The following ADCY7 variants were observed in gnomAD, a reference collection of about 807,000 sequenced individuals.
The protein encoded by ADCY7 is adenylate cyclase type 7.
In ADCY7, 72 loss-of-function variants were observed where a neutral mutation model predicts 120.6. The observed-to-expected ratio is 0.60, with a 90% CI of 0.49 to 0.73. The LOEUF (loss-of-function observed/expected upper bound fraction) is 0.73, where lower values mean the gene tolerates loss of function less well. Ranked by LOEUF, ADCY7 falls within the 30% of genes least tolerant of loss-of-function variation. ADCY7 has a pLI of 0.00. For missense variants in ADCY7, 1,227 were observed against 1,486.0 expected (o/e 0.83, Z 2.87); for synonymous variants, 661 against 628.0 (o/e 1.05, Z -0.78).
intron 10 of ADCY7, chr16:50,301,759 C>A: frequency 6.3e-6 from 1 of 157,514 alleles, no homozygotes; most frequent in Admixed American, 6.0e-5. Context: ...GCTGCCCGAC[C>A]CTGGCCTGCT....
At chr16:50,279,789 T>C (rs541117441) in intron 1 of ADCY7, 1 of 152,346 alleles carries the variant, frequency 6.6e-6, no homozygotes, top group East Asian at 1.9e-4. Flanking sequence ...TTCATTATCA[T>C]TGGCAGCTGG....
At chr16:50,281,043 G>A (rs1293619673) in intron 1 of ADCY7, among the ~76,000 whole-genome samples, 3 of 152,102 alleles carry the variant, frequency 2.0e-5, no homozygotes, top group African/African-American at 4.8e-5. Context: ...GCCCCTGCTC[G>A]GCAACTTTGC....
rs373247818 is a variant in ADCY7, at chr16:50,268,991, T to C, written c.-269+2311T>C. ...GTTGGAGGCTGTAGTGAGCCATGAC[T>C]GTGCCACTGCACTCCATCCAGCCTG... On this transcript the variant is annotated intron_variant, in intron 1 of 25. Transcript: ENST00000673801. Among the ~76,000 whole-genome samples the C allele has an allele frequency of 5.8e-4, 88 of 152,364 alleles. 1 individual carries two copies. In the South Asian group the frequency reaches 0.018, roughly 31 times the overall value.
rs78028048 is a variant in ADCY7, at chr16:50,290,261, G to A, written c.172-196G>A. ...GATGCTCTGGTTCCCGAGATGATGG[G>A]AAGGGGGTGGTTGAGGCAGCCTTGG... On this transcript the variant is annotated intron_variant, in intron 2 of 25. Coordinates refer to ENST00000673801, the MANE Select transcript of ADCY7 (RefSeq NM_001114.5). Among the ~76,000 whole-genome samples, 369 of 152,342 alleles carry A rather than the reference G, an allele frequency of 2.4e-3. 3 individuals are homozygous for A. The highest frequency in any genetic ancestry group is 8.5e-3 in the African/African-American group (353 of 41,578).
intron 21 of ADCY7, 71 bp downstream of exon 21, chr16:50,312,262 G>A (rs1347704012): frequency 2.6e-6 from 4 of 1,562,910 alleles, no homozygotes; most frequent in Non-Finnish European, 3.5e-6. Flanking sequence ...GGGTGAAGGT[G>A]TGGAGCTGGA....
Position 50,308,805 on chromosome 16 carries a change from G to T in ADCY7, c.2061+13G>T, listed in dbSNP as rs1171428955. The T allele has an allele frequency of 1.2e-6, 2 of 1,600,186 alleles. No homozygotes were observed. The highest frequency in any genetic ancestry group is 1.7e-6 in the Non-Finnish European group (2 of 1,174,020). ...CATCATCAACCTGGTGGGTCCCGTG[G>T]TGGGGAGGCAGGCCTCCGGGGTAGA... On this transcript the variant is annotated intron_variant, in intron 17 of 25. Transcript: ENST00000673801.
chr16:50,303,889 A>T (rs1425401333), intron 10 of ADCY7, among the ~76,000 whole-genome samples: 1 of 152,014 alleles, frequency 6.6e-6, no homozygotes, highest in East Asian at 1.9e-4. Context: ...CGTGCCGGCC[A>T]CACGTGGGAG....
chr16:50,311,799 GCCCCCC>G lies in ADCY7; in HGVS notation c.2448+24_2448+29del. ...ACTCTCCAGACAGGTAAGGAGGCTGGCCCCCCCCCCCCCCCCAAGCTCTGCCCACTT... is the reference window on the plus strand; with the variant it reads ...ACTCTCCAGACAGGTAAGGAGGCTGGCCCCCCCCCCAAGCTCTGCCCACTT... On this transcript the variant is annotated intron_variant, in intron 20 of 25. Coordinates refer to ENST00000673801, the MANE Select transcript of ADCY7 (RefSeq NM_001114.5). The G allele has an allele frequency of 5.4e-5, 48 of 893,354 alleles. No homozygotes were observed. The highest frequency in any genetic ancestry group is 6.1e-5 in the Non-Finnish European group (39 of 642,178). 55.3% of individuals were successfully genotyped at this position (893,354 alleles called of 1,614,324 possible). A position where few individuals can be genotyped will look rare whatever the true frequency, so the allele number is the denominator to read the frequency against.
chr16:50,294,032 A>AGC, intron 6 of ADCY7, among the ~76,000 whole-genome samples: 1 of 152,306 alleles, frequency 6.6e-6, no homozygotes, highest in South Asian at 2.1e-4. Context: ...CTCTGCCTGC[A>AGC]GCGCCAGCAT....
intron 18 of ADCY7, 74 bp from the exon 19 acceptor site, chr16:50,310,611 CTG>C (rs1457976094): frequency 1.2e-6 from 2 of 1,603,190 alleles, no homozygotes; most frequent in Non-Finnish European, 1.7e-6. Context: ...GAGTGGGGCT[CTG>C]TGGTATGTGC....
In ADCY7 at chr16:50,293,346, A is replaced by G. The variant is rs770978413; in HGVS notation, c.688-8A>G. 1.2e-6 allele frequency: 2 copies of G among 1,611,832 alleles called. No individual in the cohort carries two copies. The highest frequency in any genetic ancestry group is 1.7e-6 in the Non-Finnish European group (2 of 1,178,590). ...GGTCCCTCTGCTGGTCTGCCCACCC[A>G]CACCCAGGAGAACCTGCTGCTGTCA... On this transcript the variant is annotated splice_region_variant and splice_polypyrimidine_tract_variant and intron_variant, in intron 5 of 25. Transcript: ENST00000673801.
intron 1 of ADCY7, among the ~76,000 whole-genome samples, chr16:50,286,739 T>G (rs960891742): frequency 6.6e-6 from 1 of 152,136 alleles, no homozygotes; most frequent in South Asian, 2.1e-4. Flanking sequence ...TCACCTGACT[T>G]ATGACAGAGG....
At chr16:50,295,345 ATTTTTTT>A (rs67137852) in intron 7 of ADCY7, among the ~76,000 whole-genome samples, 65 of 82,744 alleles carry the variant, frequency 7.9e-4, no homozygotes, top group South Asian at 4.7e-3. Context: ...CGCCTGGCTA[ATTTTTTT>A]TTTTTTTTTT....
intron 1 of ADCY7, among the ~76,000 whole-genome samples, chr16:50,250,707 T>C (rs923860755): frequency 4.6e-5 from 7 of 152,074 alleles, no homozygotes; most frequent in African/African-American, 1.2e-4. Context: ...GTTGATAAAA[T>C]TGGGTATGGG....
In ADCY7 at chr16:50,305,786, C is replaced by T; in HGVS notation, c.1689C>T (p.Cys563=). The change falls in exon 14 of 26, where the codon TGC becomes TGT. Residue 563 remains cysteine (C), a synonymous_variant. Coordinates refer to ENST00000673801, the MANE Select transcript of ADCY7 (RefSeq NM_001114.5). ...CTGCCCCCGCCCACAGGCCCTGCTG[C>T]TCCAAGTCCGATGACTTCTACACCT... is the stretch of plus-strand genomic sequence containing the variant. ...IEGLSSTRPC[C]SKSDDFYTFG... The T allele has an allele frequency of 1.2e-6, 2 of 1,613,968 alleles. No homozygotes were observed. The highest frequency in any genetic ancestry group is 1.7e-6 in the Non-Finnish European group (2 of 1,179,976).
chr16:50,257,038 C>A (rs2032935771), intron 1 of ADCY7, among the ~76,000 whole-genome samples: 1 of 152,004 alleles, frequency 6.6e-6, no homozygotes, highest in African/African-American at 2.4e-5. Flanking sequence ...GTAAAATAAG[C>A]TAGGCACAGA....
Position 50,293,386 on chromosome 16 carries a change from C to T in ADCY7, c.720C>T (p.His240=). Residue 240 remains histidine (H), a synonymous_variant, in exon 6 of 26, where the codon CAC becomes CAT. Coordinates refer to ENST00000673801, the MANE Select transcript of ADCY7 (RefSeq NM_001114.5). ...TGCTGCTGTCAGTGCTTCCGGCCCACATCTCCATGGGCATGAAGCTGGCCA... is the reference window on the plus strand; with the variant it reads ...TGCTGCTGTCAGTGCTTCCGGCCCATATCTCCATGGGCATGAAGCTGGCCA... ...ENLLLSVLPA[H]ISMGMKLAII... is the part of the protein sequence containing the mutation. 2 of 1,613,890 alleles carry T rather than the reference C, an allele frequency of 1.2e-6. No individual in the cohort carries two copies. Among genetic ancestry groups the T allele is most frequent in the Non-Finnish European group, 1.7e-6 (2 of 1,179,890 alleles).
intron 1 of ADCY7, among the ~76,000 whole-genome samples, chr16:50,246,612 A>G (rs1456917902): frequency 2.6e-5 from 4 of 152,156 alleles, no homozygotes; most frequent in Non-Finnish European, 5.9e-5. Context: ...AACACTGCAC[A>G]GGGTAGCAGC....
At chr16:50,244,699 A>G (rs550258951), upstream of ADCY7, among the ~76,000 whole-genome samples, 108 of 152,076 alleles carry the variant, frequency 7.1e-4, 5 homozygotes, top group South Asian at 0.021. Flanking sequence ...ACCTTTCTTC[A>G]CTGCTGCCGG....
Sources: allele counts gnomAD v4.1 joint callset (sites outside exome capture counted in the v4.1 genomes callset), GRCh38; gene constraint gnomAD v4.1.1; transcripts MANE v1.5; gene names NCBI Gene and HGNC (gene_info 2026-07-23, HGNC 2026-07-21).